Variants in ST7 observed in about 807,000 individuals in gnomAD.
ST7 encodes the protein suppressor of tumorigenicity 7 protein.
A neutral mutation model predicts 78.7 loss-of-function variants in ST7; 28 were observed. The ratio of observed to expected loss-of-function variants is 0.36; its 90% CI spans 0.26 to 0.49. ST7 has a LOEUF of 0.49. Among genes scored for constraint, ST7 ranks in the 20% least tolerant of loss-of-function variants. The probability of loss-of-function intolerance (pLI) is 0.99; values close to 1 mark genes in which losing one functional copy is unlikely to be tolerated. For missense variants in ST7, 418 were observed against 696.0 expected, an observed-to-expected ratio of 0.60 and a Z score of 4.49; for synonymous variants, 247 against 249.6, an observed-to-expected ratio of 0.99 and a Z score of 0.10.
intron 5 of ST7, among the ~76,000 whole-genome samples, chr7:117,131,408 G>A (rs1738565170): frequency 1.3e-5 from 2 of 151,746 alleles, no homozygotes; most frequent in African/African-American, 2.4e-5. Flanking sequence ...AAGTACACAT[G>A]TTAAGCAAAA....
At chr7:117,187,213 T>G (rs1809344814) in intron 10 of ST7, among the ~76,000 whole-genome samples, 2 of 152,240 alleles carry the variant, frequency 1.3e-5, no homozygotes, top group South Asian at 4.1e-4. Context: ...ATTTTGCTAT[T>G]TTCTATTTCT....
Position 117,161,100 on chromosome 7 carries a change from G to GT in ST7, c.964-9749dup, listed in dbSNP as rs201045321. Among the ~76,000 whole-genome samples, 463 of 144,018 alleles carry GT rather than the reference G, an allele frequency of 3.2e-3. 3 individuals are homozygous for GT. The highest frequency in any genetic ancestry group is 7.8e-3 in the African/African-American group (313 of 40,072). The allele number at this position is 144,018 out of a possible 152,430, so 94.5% of individuals were successfully genotyped here. ...ATATTGTTCAATCAAGGACACTGTTGTTTTTTTTTTTTTAAATGCCAACAC... is the reference window on the plus strand; with the variant it reads ...ATATTGTTCAATCAAGGACACTGTTGTTTTTTTTTTTTTTAAATGCCAACAC... On this transcript the variant is annotated intron_variant, in intron 9 of 15. Coordinates refer to ENST00000323984, the MANE Select transcript of ST7 (RefSeq NM_001369598.1).
intron 15 of ST7, chr7:117,223,845 C>T (rs748997225): frequency 2.1e-4 from 125 of 598,432 alleles, no homozygotes; most frequent in Non-Finnish European, 2.5e-4. Flanking sequence ...CTCTGTATCC[C>T]CAAGGCTTTG....
chr7:116,963,632 CTTTTTTTTTT>C (rs1026576295), intron 1 of ST7, among the ~76,000 whole-genome samples: 1 of 135,834 alleles, frequency 7.4e-6, no homozygotes, highest in Non-Finnish European at 1.6e-5. Flanking sequence ...TCTTTTTTTT[CTTTTTTTTTT>C]TTTTTTGGAG....
intron 1 of ST7, among the ~76,000 whole-genome samples, chr7:117,009,627 G>A (rs899322736): frequency 6.6e-6 from 1 of 152,032 alleles, no homozygotes; most frequent in African/African-American, 2.4e-5. Flanking sequence ...AGGCATTTTA[G>A]TAACTTTAGT....
chr7:117,098,740 T>C (rs1199999518), intron 1 of ST7: 1 of 1,292,256 alleles, frequency 7.7e-7, no homozygotes, highest in East Asian at 5.7e-5. Flanking sequence ...GCCCTACTTC[T>C]AAAACCAGAC....
chr7:117,022,157 T>G (rs2116045241), intron 1 of ST7, among the ~76,000 whole-genome samples: 1 of 152,358 alleles, frequency 6.6e-6, no homozygotes, highest in East Asian at 1.9e-4. Context: ...TAATATCACC[T>G]ATGCGCTGTA....
At chr7:117,129,715 A>C (rs918614658) in intron 3 of ST7, 78 bp from the exon 4 acceptor site, 5 of 1,064,094 alleles carry the variant, frequency 4.7e-6, no homozygotes, top group Non-Finnish European at 7.3e-6. Flanking sequence ...AATGGCAGGA[A>C]GGGTGTTTTG....
intron 1 of ST7, chr7:117,090,945 T>C (rs1438754499): frequency 6.1e-6 from 1 of 163,952 alleles, no homozygotes; most frequent in Non-Finnish European, 1.5e-5. Flanking sequence ...AACACTGCAT[T>C]GTTCCCACCA....
chr7:117,015,613 A>C (rs925531351), intron 1 of ST7, among the ~76,000 whole-genome samples: 2 of 152,168 alleles, frequency 1.3e-5, no homozygotes, highest in African/African-American at 2.4e-5. Context: ...GTACATGTTT[A>C]GAAATAAGGT....
chr7:117,021,409 A>G (rs1795907687), intron 1 of ST7, among the ~76,000 whole-genome samples: 1 of 152,236 alleles, frequency 6.6e-6, no homozygotes, highest in Non-Finnish European at 1.5e-5. Context: ...GTCATTGTCT[A>G]TTAGCAAAAA....
chr7:117,098,853 G>A (rs1188935331), intron 1 of ST7: 3 of 1,294,670 alleles, frequency 2.3e-6, no homozygotes, highest in Non-Finnish European at 1.0e-6. Context: ...TAAAAGTTTT[G>A]TGTAGTATCT....
At chr7:117,083,327 T>C (rs924538765) in intron 1 of ST7, among the ~76,000 whole-genome samples, 1 of 152,194 alleles carries the variant, frequency 6.6e-6, no homozygotes, top group South Asian at 2.1e-4. Flanking sequence ...AGTGGCACAA[T>C]CTTGGCTCAC....
intron 1 of ST7, among the ~76,000 whole-genome samples, chr7:116,971,968 T>G (rs1348997898): frequency 6.6e-6 from 1 of 152,210 alleles, no homozygotes; most frequent in East Asian, 1.9e-4. Flanking sequence ...GTGCTCAGCC[T>G]CTAGCCCAGC....
At chr7:117,201,214 G>A (rs1182699693) in intron 12 of ST7, among the ~76,000 whole-genome samples, 1 of 152,164 alleles carries the variant, frequency 6.6e-6, no homozygotes, top group African/African-American at 2.4e-5. Flanking sequence ...TTTGAATTGA[G>A]TCATATTTTG....
At chr7:117,065,547 TC>T (rs766195435) in intron 1 of ST7, among the ~76,000 whole-genome samples, 42 of 152,308 alleles carry the variant, frequency 2.8e-4, no homozygotes, top group Non-Finnish European at 4.9e-4. Flanking sequence ...AGTTCACTCT[TC>T]CTTTTGTATT....
intron 2 of ST7, among the ~76,000 whole-genome samples, chr7:117,109,459 C>A (rs1229314977): frequency 6.6e-6 from 1 of 151,796 alleles, no homozygotes; most frequent in African/African-American, 2.4e-5. Flanking sequence ...AACTAGAAAA[C>A]CTAGAAGAGA....
Position 117,219,579 on chromosome 7 carries a change from G to A in ST7, c.1498+403G>A, listed in dbSNP as rs1792936184. 6.6e-6 allele frequency among the ~76,000 whole-genome samples: 1 copy of A among 152,216 alleles called. No individual in the cohort carries two copies. Among genetic ancestry groups the A allele is most frequent in the South Asian group, 2.1e-4 (1 of 4,828 alleles). On this transcript the variant is annotated intron_variant, in intron 14 of 15. Transcript: ENST00000323984. This position sits in a 1 kb window ranked among gnomAD's most constrained non-coding sequence, Gnocchi z 5.1. Reference sequence around the variant, plus strand: ...GAGCTGCTGACTGAGAGGGAGCTGCGCATGAGTCATGGGTGGGAGGCCAGC... The same window carrying A: ...GAGCTGCTGACTGAGAGGGAGCTGCACATGAGTCATGGGTGGGAGGCCAGC...
Position 116,974,500 on chromosome 7 carries a change from C to T in ST7, c.151+20809C>T, listed in dbSNP as rs575985825. ...TAGAGACGGGGTTTCACCGTGTTAG[C>T]CAGGATGGTCTCGATCTCCTGACCT... On this transcript the variant is annotated intron_variant, in intron 1 of 15. Transcript: ENST00000323984. Among the ~76,000 whole-genome samples the T allele has an allele frequency of 4.7e-4, 72 of 152,164 alleles. 1 individual carries two copies. The highest frequency in any genetic ancestry group is 1.5e-3 in the African/African-American group (64 of 41,528).
Sources: allele counts gnomAD v4.1 joint callset (sites outside exome capture counted in the v4.1 genomes callset), GRCh38; gene constraint gnomAD v4.1.1; non-coding constraint Gnocchi (gnomAD v3.1); transcripts MANE v1.5; gene names NCBI Gene and HGNC (gene_info 2026-07-23, HGNC 2026-07-21).